The following STXBP5 variants were observed in gnomAD, a reference collection of about 807,000 sequenced individuals.
STXBP5 encodes the protein syntaxin-binding protein 5.
Under a neutral mutation model 152.4 loss-of-function variants are expected in STXBP5, and 50 were observed. That is an observed-to-expected ratio of 0.33 (90% CI 0.26 to 0.42). The LOEUF is 0.42. Ranked by LOEUF, STXBP5 falls within the 10% of genes least tolerant of loss-of-function variation. The pLI is 1.00. For missense variants in STXBP5, 1,167 were observed against 1,388.6 expected (o/e 0.84, Z 2.54); for synonymous variants, 492 against 494.7 (o/e 0.99, Z 0.07).
intron 4 of STXBP5, among the ~76,000 whole-genome samples, chr6:147,240,062 C>A (rs1474470402): frequency 1.3e-5 from 2 of 151,932 alleles, no homozygotes; most frequent in African/African-American, 4.8e-5. Context: ...CATGCCTCAG[C>A]CTCCTGAGTA....
At chr6:147,341,429 A>G (rs1343383950) in intron 21 of STXBP5, among the ~76,000 whole-genome samples, 3 of 152,172 alleles carry the variant, frequency 2.0e-5, no homozygotes, top group Non-Finnish European at 2.9e-5. Context: ...GGTACCTGCT[A>G]TGAAGTATCC....
At chr6:147,378,784 G>A (rs1357079332) in intron 26 of STXBP5, among the ~76,000 whole-genome samples, 1 of 152,022 alleles carries the variant, frequency 6.6e-6, no homozygotes, top group Non-Finnish European at 1.5e-5. Context: ...TATATTAACA[G>A]TAATAAAAAA....
At chr6:147,205,488 G>A (rs1184984464) in intron 1 of STXBP5, among the ~76,000 whole-genome samples, 1 of 151,884 alleles carries the variant, frequency 6.6e-6, no homozygotes. Context: ...AGTGTAAAAT[G>A]TTGGGATAGA....
intron 25 of STXBP5, among the ~76,000 whole-genome samples, chr6:147,365,588 A>AG (rs1785255188): frequency 2.0e-5 from 3 of 152,216 alleles, no homozygotes; most frequent in Admixed American, 6.5e-5. Context: ...AGTAAACTAT[A>AG]TTTTAAACTA....
At chr6:147,333,788 G>A (rs1239934688) in intron 18 of STXBP5, among the ~76,000 whole-genome samples, 3 of 152,214 alleles carry the variant, frequency 2.0e-5, no homozygotes, top group East Asian at 1.9e-4. Flanking sequence ...TCTGAGGCTT[G>A]GACATGTAAC....
chr6:147,380,382 G>A (rs542024598), intron 26 of STXBP5, among the ~76,000 whole-genome samples: 52 of 147,456 alleles, frequency 3.5e-4, no homozygotes, highest in African/African-American at 8.3e-4. Flanking sequence ...TTACAAGGAC[G>A]CCAAGAAAAT....
At chr6:147,250,302 C>G (rs1164338509) in intron 4 of STXBP5, among the ~76,000 whole-genome samples, 1 of 152,162 alleles carries the variant, frequency 6.6e-6, no homozygotes, top group Non-Finnish European at 1.5e-5. Context: ...TTACCTTCCA[C>G]TTTCTCTCAA....
At chr6:147,352,680 C>T (rs1784642567) in intron 21 of STXBP5, among the ~76,000 whole-genome samples, 1 of 152,116 alleles carries the variant, frequency 6.6e-6, no homozygotes, top group Non-Finnish European at 1.5e-5. Context: ...ATATCACATA[C>T]CCAAACTTAG....
chr6:147,370,890 C>T (rs1785507907), intron 25 of STXBP5, among the ~76,000 whole-genome samples: 1 of 151,876 alleles, frequency 6.6e-6, no homozygotes, highest in Non-Finnish European at 1.5e-5. Context: ...TGATTAAAAT[C>T]AGTGATTATT....
intron 2 of STXBP5, among the ~76,000 whole-genome samples, chr6:147,229,392 T>C (rs770067671): frequency 6.6e-6 from 1 of 151,970 alleles, no homozygotes; most frequent in Non-Finnish European, 1.5e-5. Flanking sequence ...TATAATGATA[T>C]GTAAGTACCA....
chr6:147,286,934 AC>A (rs1176005958), intron 8 of STXBP5, among the ~76,000 whole-genome samples: 1 of 151,778 alleles, frequency 6.6e-6, no homozygotes, highest in Non-Finnish European at 1.5e-5. Flanking sequence ...ACACATACAC[AC>A]AAATAAACAT....
intron 23 of STXBP5, among the ~76,000 whole-genome samples, chr6:147,362,358 A>T (rs1182357157): frequency 3.3e-5 from 5 of 152,198 alleles, no homozygotes; most frequent in Admixed American, 2.6e-4. Flanking sequence ...TTAAGAACTG[A>T]ATGCTAACTC....
At chr6:147,281,953 A>G (rs1780722520) in intron 8 of STXBP5, among the ~76,000 whole-genome samples, 1 of 152,184 alleles carries the variant, frequency 6.6e-6, no homozygotes, top group Non-Finnish European at 1.5e-5. Context: ...ATAATAATGA[A>G]ACTTGACCTA....
chr6:147,238,505 G>A (rs138131741), intron 3 of STXBP5, among the ~76,000 whole-genome samples: 2 of 152,154 alleles, frequency 1.3e-5, no homozygotes, highest in African/African-American at 2.4e-5. Flanking sequence ...TGCAAACCAC[G>A]TCTAAACCAT....
At chr6:147,292,962 A>G (rs1329133467) in intron 9 of STXBP5, 1 of 152,224 alleles carries the variant, frequency 6.6e-6, no homozygotes, top group Admixed American at 6.5e-5. Flanking sequence ...TAATAGCATC[A>G]TGATCAGTGG....
At chr6:147,349,969 T>G (rs1784515807) in intron 21 of STXBP5, among the ~76,000 whole-genome samples, 1 of 152,188 alleles carries the variant, frequency 6.6e-6, no homozygotes, top group Admixed American at 6.6e-5. Flanking sequence ...CCAAATATAA[T>G]AGCAATATGG....
intron 9 of STXBP5, among the ~76,000 whole-genome samples, chr6:147,301,599 C>T (rs1172943111): frequency 6.6e-6 from 1 of 152,060 alleles, no homozygotes; most frequent in East Asian, 1.9e-4. Context: ...TACAACCCAG[C>T]CCAGATTTAT....
At chr6:147,362,478 T>C (rs560209961) in intron 23 of STXBP5, among the ~76,000 whole-genome samples, 1 of 152,256 alleles carries the variant, frequency 6.6e-6, no homozygotes, top group East Asian at 1.9e-4. Context: ...AGGGTACCAT[T>C]AACTGAAGCA....
intron 2 of STXBP5, among the ~76,000 whole-genome samples, chr6:147,234,487 G>C (rs186865882): frequency 2.4e-4 from 36 of 151,926 alleles, no homozygotes; most frequent in Admixed American, 2.6e-4. Flanking sequence ...GTGACTTGGG[G>C]CAGGTTACTT....
Sources: allele counts gnomAD v4.1 joint callset (sites outside exome capture counted in the v4.1 genomes callset), GRCh38; gene constraint gnomAD v4.1.1; transcripts MANE v1.5; gene names NCBI Gene and HGNC (gene_info 2026-07-23, HGNC 2026-07-21).